The following UNC13C variants were observed in gnomAD, a reference collection of about 807,000 sequenced individuals.
UNC13C encodes the protein unc-13 homolog C, also known as protein unc-13 homolog C.
A neutral mutation model predicts 245.4 loss-of-function variants in UNC13C; 174 were observed. That is an observed-to-expected ratio of 0.71 (90% CI 0.63 to 0.80). The LOEUF (loss-of-function observed/expected upper bound fraction) is 0.80, where lower values mean the gene tolerates loss of function less well. Ranked by LOEUF, UNC13C falls within the 30% of genes least tolerant of loss-of-function variation. The pLI, the probability that UNC13C is intolerant of heterozygous loss-of-function variation, is 0.00. For missense variants in UNC13C, 2,829 were observed against 2,602.9 expected (o/e 1.09, Z -1.89); for synonymous variants, 992 against 895.1 (o/e 1.11, Z -1.93).
chr15:54,070,887 G>A (rs1169227295), intron 2 of UNC13C, among the ~76,000 whole-genome samples: 1 of 152,072 alleles, frequency 6.6e-6, no homozygotes, highest in Non-Finnish European at 1.5e-5. Flanking sequence ...TATTAGTCCA[G>A]TTTTATTTTA....
chr15:53,864,344 A>G, the UNC13C span, among the ~76,000 whole-genome samples: 1 of 152,212 alleles, frequency 6.6e-6, no homozygotes, highest in Non-Finnish European at 1.5e-5. Context: ...TCTGGAAAGG[A>G]AAATAATAAT....
intron 30 of UNC13C, among the ~76,000 whole-genome samples, chr15:54,605,276 A>C (rs12708436): frequency 0.039 from 5,981 of 152,100 alleles, 222 homozygotes; most frequent in Admixed American, 0.12. Context: ...CCACAGTGCC[A>C]TGTAGAATCA....
the UNC13C span, among the ~76,000 whole-genome samples, chr15:53,967,664 C>T: frequency 6.6e-6 from 1 of 152,144 alleles, no homozygotes; most frequent in Non-Finnish European, 1.5e-5. Context: ...TTGAACTATT[C>T]TTAAAGAACA....
intron 30 of UNC13C, among the ~76,000 whole-genome samples, chr15:54,599,431 T>C (rs990979410): frequency 6.6e-6 from 1 of 152,088 alleles, no homozygotes; most frequent in Non-Finnish European, 1.5e-5. Flanking sequence ...CAGTGTAATC[T>C]CTATTTCTTC....
intron 2 of UNC13C, among the ~76,000 whole-genome samples, chr15:54,045,985 C>T (rs781700649): frequency 4.6e-5 from 7 of 152,064 alleles, no homozygotes; most frequent in Middle Eastern, 3.2e-3. Flanking sequence ...CAGATTCATT[C>T]GGTATTCAAT....
At chr15:54,028,393 A>G (rs1595735658) in intron 2 of UNC13C, among the ~76,000 whole-genome samples, 1 of 152,092 alleles carries the variant, frequency 6.6e-6, no homozygotes, top group Non-Finnish European at 1.5e-5. Context: ...CTCCGTCTCT[A>G]TTTCTTTCCC....
At chr15:53,902,302 G>A in the UNC13C span, among the ~76,000 whole-genome samples, 155 of 152,180 alleles carry the variant, frequency 1.0e-3, 1 homozygote, top group African/African-American at 3.6e-3. Context: ...CCTAGATACA[G>A]GAGACAGACA....
At chr15:54,518,233 C>T (rs958455257) in intron 24 of UNC13C, among the ~76,000 whole-genome samples, 1 of 152,172 alleles carries the variant, frequency 6.6e-6, no homozygotes, top group Admixed American at 6.5e-5. Flanking sequence ...GTTTAGCTAA[C>T]TGCTAAGCTT....
At chr15:53,913,321 A>C in the UNC13C span, 17 of 152,314 alleles carry the variant, frequency 1.1e-4, no homozygotes, top group Middle Eastern at 6.8e-3. Flanking sequence ...GACCACAGAT[A>C]GTTTCAGTTA....
chr15:53,975,477 G>A (rs951362952), upstream of UNC13C, among the ~76,000 whole-genome samples: 1 of 152,124 alleles, frequency 6.6e-6, no homozygotes, highest in Non-Finnish European at 1.5e-5. Context: ...TTCAATGGTT[G>A]GTTACCAATT....
At chr15:53,843,599 C>G in the UNC13C span, among the ~76,000 whole-genome samples, 42,487 of 151,600 alleles carry the variant, frequency 0.28, 7,185 homozygotes, top group Non-Finnish European at 0.37. Context: ...AGAAAAGGAC[C>G]AAGGCTAGAG....
chr15:54,000,313 C>A (rs1894827343), intron 1 of UNC13C, among the ~76,000 whole-genome samples: 1 of 152,062 alleles, frequency 6.6e-6, no homozygotes, highest in Non-Finnish European at 1.5e-5. Flanking sequence ...AGTCAAGTAA[C>A]CTCTCCAAAC....
chr15:54,123,305 TC>T (rs1262592830), intron 2 of UNC13C, among the ~76,000 whole-genome samples: 1 of 151,804 alleles, frequency 6.6e-6, no homozygotes, highest in African/African-American at 2.4e-5. Flanking sequence ...GATATAGTAT[TC>T]TAGATATAAC....
chr15:54,021,621 C>T (rs1452295870), intron 2 of UNC13C, among the ~76,000 whole-genome samples: 1 of 152,158 alleles, frequency 6.6e-6, no homozygotes, highest in African/African-American at 2.4e-5. Flanking sequence ...CATATCTTGG[C>T]TATTGTGAAT....
intron 19 of UNC13C, among the ~76,000 whole-genome samples, chr15:54,486,709 T>G (rs1893435295): frequency 6.6e-6 from 1 of 152,230 alleles, no homozygotes; most frequent in Non-Finnish European, 1.5e-5. Context: ...CTTTTATCAT[T>G]ATGATCCAGC....
At chr15:54,399,977 A>G (rs927903393) in intron 18 of UNC13C, among the ~76,000 whole-genome samples, 2 of 152,020 alleles carry the variant, frequency 1.3e-5, no homozygotes, top group Non-Finnish European at 2.9e-5. Context: ...TACAGAGACT[A>G]TGCAGTAGAG....
the UNC13C span, among the ~76,000 whole-genome samples, chr15:53,971,189 A>G: frequency 6.6e-6 from 1 of 152,206 alleles, no homozygotes. Flanking sequence ...GGCAAACCAC[A>G]CAATGGATAA....
In UNC13C at chr15:54,229,690, T is replaced by A. The variant is rs187113555; in HGVS notation, c.3072-5340T>A. ...CAGAATACAGTATATTGTTATGAACTATATTCACCCTATTTACAATAGATC... is the reference window on the plus strand; with the variant it reads ...CAGAATACAGTATATTGTTATGAACAATATTCACCCTATTTACAATAGATC... On this transcript the variant is annotated intron_variant, in intron 4 of 32. Transcript: ENST00000260323. Among the ~76,000 whole-genome samples, 5 of 152,234 alleles carry A rather than the reference T, an allele frequency of 3.3e-5. No individual in the cohort carries two copies. In the East Asian group the frequency reaches 5.8e-4, roughly 18 times the overall value.
intron 24 of UNC13C, chr15:54,512,340 A>T (rs922788637): frequency 2.0e-5 from 9 of 455,850 alleles, no homozygotes; most frequent in African/African-American, 6.0e-5. Flanking sequence ...TTGCAATTCC[A>T]TGAGCAGAAG....
Sources: allele counts gnomAD v4.1 joint callset (sites outside exome capture counted in the v4.1 genomes callset), GRCh38; gene constraint gnomAD v4.1.1; transcripts MANE v1.5; gene names NCBI Gene and HGNC (gene_info 2026-07-23, HGNC 2026-07-21).